CSNK1G3: variants seen among roughly 807,000 people sequenced by gnomAD.
The protein encoded by CSNK1G3 is casein kinase I isoform gamma-3.
A neutral mutation model predicts 64.3 loss-of-function variants in CSNK1G3; 23 were observed. The ratio of observed to expected loss-of-function variants is 0.36; its 90% CI spans 0.26 to 0.51. CSNK1G3 has a LOEUF of 0.51. Ranked by LOEUF, CSNK1G3 falls within the 20% of genes least tolerant of loss-of-function variation. CSNK1G3 has a pLI of 0.96. For synonymous variants in CSNK1G3, 158 were observed against 162.2 expected (o/e 0.97, Z 0.20); for missense variants, 357 against 510.5 (o/e 0.70, Z 2.90).
At chr5:123,525,133 G>T (rs543443925) in intron 1 of CSNK1G3, among the ~76,000 whole-genome samples, 7 of 152,036 alleles carry the variant, frequency 4.6e-5, no homozygotes, top group African/African-American at 1.7e-4. Flanking sequence ...TGTCAGACAG[G>T]TTGTCTTGTT....
At chr5:123,519,143 T>C (rs1777666117) in intron 1 of CSNK1G3, among the ~76,000 whole-genome samples, 1 of 152,132 alleles carries the variant, frequency 6.6e-6, no homozygotes, top group East Asian at 1.9e-4. Context: ...AACCCCTGCC[T>C]CTTGGGTTCA....
intron 1 of CSNK1G3, among the ~76,000 whole-genome samples, chr5:123,512,833 G>T (rs1372519463): frequency 6.6e-6 from 1 of 151,904 alleles, no homozygotes; most frequent in Non-Finnish European, 1.5e-5. Flanking sequence ...GCCGCGGGTG[G>T]CGGGTCGGGC....
intron 4 of CSNK1G3, among the ~76,000 whole-genome samples, chr5:123,564,290 G>T (rs1322026195): frequency 6.6e-6 from 1 of 151,960 alleles, no homozygotes; most frequent in Non-Finnish European, 1.5e-5. Context: ...GTTGTGTGTG[G>T]TGTGGTTATT....
intron 4 of CSNK1G3, among the ~76,000 whole-genome samples, chr5:123,570,247 GCTAT>G (rs1286682749): frequency 6.6e-6 from 1 of 151,618 alleles, no homozygotes; most frequent in African/African-American, 2.4e-5. Context: ...AAAACATACT[GCTAT>G]CTATCTTATT....
chr5:123,558,396 T>G (rs1390117883), intron 4 of CSNK1G3, among the ~76,000 whole-genome samples: 2 of 152,208 alleles, frequency 1.3e-5, no homozygotes, highest in African/African-American at 4.8e-5. Flanking sequence ...CTCACAGCAC[T>G]TTTCTGTATA....
Position 123,547,211 on chromosome 5 carries a change from G to A in CSNK1G3, c.178+1370G>A, listed in dbSNP as rs537953330. On this transcript the variant is annotated intron_variant, in intron 2 of 12. Transcript: ENST00000345990. ...CAGATAAGTCATTTAACCACTCAGGGCTTCACGTTTTTCTTTATATCAGGA... is the reference window on the plus strand; with the variant it reads ...CAGATAAGTCATTTAACCACTCAGGACTTCACGTTTTTCTTTATATCAGGA... Among the ~76,000 whole-genome samples, 10 of 152,144 alleles carry A rather than the reference G, an allele frequency of 6.6e-5. No homozygotes were observed. In the East Asian group the frequency reaches 1.5e-3, roughly 24 times the overall value.
intron 10 of CSNK1G3, among the ~76,000 whole-genome samples, chr5:123,595,742 ATTTG>A (rs1231081378): frequency 6.6e-6 from 1 of 151,982 alleles, no homozygotes; most frequent in South Asian, 2.1e-4. Flanking sequence ...CTTATTTATG[ATTTG>A]TTTCTTTTCA....
chr5:123,581,056 T>A (rs1790143179), intron 6 of CSNK1G3, among the ~76,000 whole-genome samples: 1 of 151,914 alleles, frequency 6.6e-6, no homozygotes, highest in Non-Finnish European at 1.5e-5. Context: ...ATTGTTCCAG[T>A]TTCTGAGGCC....
chr5:123,513,474 T>C (rs1199335121), intron 1 of CSNK1G3, among the ~76,000 whole-genome samples: 1 of 152,166 alleles, frequency 6.6e-6, no homozygotes, highest in African/African-American at 2.4e-5. Context: ...CTGTGTGAAT[T>C]ACTTTCAACT....
At chr5:123,595,017 A>G (rs766188461) in intron 10 of CSNK1G3, 22 bp from the exon 11 acceptor site, 7 of 1,603,018 alleles carry the variant, frequency 4.4e-6, no homozygotes, top group African/African-American at 1.3e-5. Flanking sequence ...CATGCATGCC[A>G]TATGCATTAA....
chr5:123,597,538 T>C (rs1793659934), intron 10 of CSNK1G3, among the ~76,000 whole-genome samples: 2 of 152,116 alleles, frequency 1.3e-5, no homozygotes, highest in African/African-American at 2.4e-5. Context: ...CTGAAAATCA[T>C]TCCAGGCTGT....
At chr5:123,514,779 A>G (rs1401257258) in intron 1 of CSNK1G3, among the ~76,000 whole-genome samples, 1 of 152,018 alleles carries the variant, frequency 6.6e-6, no homozygotes, top group East Asian at 1.9e-4. Context: ...ATTGTGTTAT[A>G]GGGCTTGTTG....
intron 6 of CSNK1G3, among the ~76,000 whole-genome samples, chr5:123,577,719 T>C (rs536048893): frequency 7.0e-6 from 1 of 142,250 alleles, no homozygotes; most frequent in Non-Finnish European, 1.5e-5. Flanking sequence ...TATTGAAGAG[T>C]TTTTTTTTTA....
At chr5:123,567,302 G>C (rs141732202) in intron 4 of CSNK1G3, among the ~76,000 whole-genome samples, 1 of 152,104 alleles carries the variant, frequency 6.6e-6, no homozygotes, top group Non-Finnish European at 1.5e-5. Flanking sequence ...TGACTCATTA[G>C]AAATATTTTA....
chr5:123,566,625 C>T (rs1384299244), intron 4 of CSNK1G3, among the ~76,000 whole-genome samples: 1 of 152,026 alleles, frequency 6.6e-6, no homozygotes, highest in Admixed American at 6.6e-5. Flanking sequence ...CTGCCTCAAC[C>T]TCTGTTTGTT....
At chr5:123,563,875 A>T (rs1389336086) in intron 4 of CSNK1G3, among the ~76,000 whole-genome samples, 1 of 152,140 alleles carries the variant, frequency 6.6e-6, no homozygotes, top group African/African-American at 2.4e-5. Context: ...ATTAACAAAA[A>T]TAATGAAAAT....
At chr5:123,560,043 C>G (rs1477173613) in intron 4 of CSNK1G3, among the ~76,000 whole-genome samples, 1 of 151,710 alleles carries the variant, frequency 6.6e-6, no homozygotes, top group South Asian at 2.1e-4. Flanking sequence ...AATAGACAAC[C>G]CAATTGAAAA....
At chr5:123,550,678 T>C (rs1293911811) in intron 2 of CSNK1G3, among the ~76,000 whole-genome samples, 1 of 152,250 alleles carries the variant, frequency 6.6e-6, no homozygotes, top group Non-Finnish European at 1.5e-5. Context: ...GAAATGTCTT[T>C]TAAAATTGGA....
chr5:123,601,062 G>A (rs1794413749), intron 10 of CSNK1G3, among the ~76,000 whole-genome samples: 1 of 151,864 alleles, frequency 6.6e-6, no homozygotes, highest in African/African-American at 2.4e-5. Flanking sequence ...TCATTTTTAT[G>A]TGCTTTCAAG....
Sources: gnomAD v4.1 joint callset for allele counts (sites outside exome capture counted in the v4.1 genomes callset) on GRCh38, gnomAD v4.1.1 for gene constraint, MANE v1.5 for transcripts, NCBI Gene and HGNC (gene_info 2026-07-23, HGNC 2026-07-21) for gene names.